The following LUZP2 variants were observed in gnomAD, a reference collection of about 807,000 sequenced individuals.
LUZP2 encodes the protein leucine zipper protein 2.
LUZP2 carries 52 observed loss-of-function variants against 51.6 expected under a neutral mutation model. That is an observed-to-expected ratio of 1.01 (90% CI 0.81 to 1.27). LUZP2 has a LOEUF of 1.27. LUZP2 is among the 50% of genes most tolerant of loss of function. The pLI is 0.00. For missense variants in LUZP2, 436 were observed against 395.4 expected (o/e 1.10, Z -0.87); for synonymous variants, 154 against 137.3 (o/e 1.12, Z -0.85).
chr11:24,998,925 A>C (rs1264011016), intron 9 of LUZP2, among the ~76,000 whole-genome samples: 1 of 152,180 alleles, frequency 6.6e-6, no homozygotes, highest in Non-Finnish European at 1.5e-5. Flanking sequence ...AAATAGTTTA[A>C]AATTTTAAAA....
intron 1 of LUZP2, among the ~76,000 whole-genome samples, chr11:24,718,487 C>T (rs1207339682): frequency 6.6e-6 from 1 of 152,130 alleles, no homozygotes; most frequent in African/African-American, 2.4e-5. Flanking sequence ...GGATGTCATC[C>T]ATGAATCTTA....
chr11:24,735,926 A>G (rs1353123852), intron 3 of LUZP2, among the ~76,000 whole-genome samples: 1 of 152,000 alleles, frequency 6.6e-6, no homozygotes, highest in Non-Finnish European at 1.5e-5. Context: ...AAGTCTTTGA[A>G]GCAGAAATCT....
rs749672583 is a variant in LUZP2, at chr11:24,922,837, C to CTTTTTTTTTTTTTT, written c.522+8316_522+8329dup. 6.1e-4 allele frequency among the ~76,000 whole-genome samples: 29 copies of CTTTTTTTTTTTTTT among 47,358 alleles called. 1 individual carries two copies. The highest frequency in any genetic ancestry group is 1.3e-3 in the South Asian group (2 of 1,542). 31.1% of individuals were successfully genotyped at this position (47,358 alleles called of 152,430 possible). On this transcript the variant is annotated intron_variant, in intron 7 of 11. Transcript: ENST00000336930. ...GGCACAGTTATATCTTTTTTTTTTTCTTTTTTTTTTTTTTTTTTTTTTTTT... is the reference window on the plus strand; with the variant it reads ...GGCACAGTTATATCTTTTTTTTTTTCTTTTTTTTTTTTTTTTTTTTTTTTTTTTTTTTTTTTTTT...
rs1408763899 is a variant in LUZP2 at position 24,729,199 on chromosome 11, G to A, written c.93G>A (p.Leu31=). 1 of 1,574,686 alleles carries A rather than the reference G, an allele frequency of 6.4e-7. No homozygotes were observed. Residue 31 remains leucine (L), a synonymous_variant, in exon 2 of 12, where the codon CTG becomes CTA. Transcript: ENST00000336930. ...ACTATGAAGAGCTAGAAAAGCAGCT[G>A]AAAGAAGTCTTTAAGGAGCGAAGCA... ...RQDYEELEKQ[L]KEVFKERSTI...
intron 1 of LUZP2, among the ~76,000 whole-genome samples, chr11:24,704,019 A>G (rs1210153569): frequency 6.6e-6 from 1 of 152,238 alleles, no homozygotes; most frequent in African/African-American, 2.4e-5. Context: ...ACCAACTGAC[A>G]TATTAGAACC....
Position 24,902,078 on chromosome 11 carries a change from T to C in LUZP2, c.397-3913T>C, listed in dbSNP as rs942228720. On this transcript the variant is annotated intron_variant, in intron 5 of 11. Coordinates refer to ENST00000336930, the MANE Select transcript of LUZP2 (RefSeq NM_001009909.4). ...GAAAAGTTATTTAGTCCAAAGGGTTTTATTGTCAATCAAATTTAGGAAAAT... is the reference window on the plus strand; with the variant it reads ...GAAAAGTTATTTAGTCCAAAGGGTTCTATTGTCAATCAAATTTAGGAAAAT... Among the ~76,000 whole-genome samples the C allele has an allele frequency of 2.0e-5, 3 of 152,204 alleles. No individual in the cohort carries two copies. In the East Asian group the frequency reaches 5.8e-4, roughly 29 times the overall value.
chr11:24,980,330 C>G (rs554690448), intron 8 of LUZP2, among the ~76,000 whole-genome samples: 2 of 151,716 alleles, frequency 1.3e-5, no homozygotes, highest in East Asian at 3.9e-4. Context: ...AAATCTACCT[C>G]CTAAATTTTC....
intron 1 of LUZP2, among the ~76,000 whole-genome samples, chr11:24,589,405 G>A (rs1314570440): frequency 6.6e-6 from 1 of 152,176 alleles, no homozygotes; most frequent in African/African-American, 2.4e-5. Flanking sequence ...CTCACTGAAA[G>A]AGGGTTGAAC....
At chr11:24,692,727 T>C (rs1857114798) in intron 1 of LUZP2, among the ~76,000 whole-genome samples, 1 of 152,116 alleles carries the variant, frequency 6.6e-6, no homozygotes, top group South Asian at 2.1e-4. Flanking sequence ...ATGAGTTTTT[T>C]CTTACACTAT....
chr11:24,674,852 ATGGGG>A (rs1333361409), intron 1 of LUZP2, among the ~76,000 whole-genome samples: 2 of 152,084 alleles, frequency 1.3e-5, no homozygotes, highest in East Asian at 3.9e-4. Flanking sequence ...TTCCCCACAG[ATGGGG>A]TTGGATAAGA....
At chr11:25,044,253 G>GTATATATATATATA (rs1446874239) in intron 9 of LUZP2, among the ~76,000 whole-genome samples, 2 of 31,804 alleles carry the variant, frequency 6.3e-5, no homozygotes, top group Non-Finnish European at 1.3e-4. Context: ...GTGTGTGTGT[G>GTATATATATATATA]TGTGTATATA....
intron 1 of LUZP2, among the ~76,000 whole-genome samples, chr11:24,541,795 C>G (rs2133719016): frequency 6.6e-6 from 1 of 152,028 alleles, no homozygotes; most frequent in East Asian, 1.9e-4. Context: ...ATGATAAGAA[C>G]CTAAGCTTTC....
chr11:24,761,269 A>G (rs1185934037), intron 4 of LUZP2, among the ~76,000 whole-genome samples: 2 of 152,106 alleles, frequency 1.3e-5, no homozygotes, highest in Non-Finnish European at 2.9e-5. Context: ...CATGGGCAGA[A>G]CAGGAGGAAG....
intron 10 of LUZP2, among the ~76,000 whole-genome samples, chr11:25,076,198 TCTTG>T (rs1859292973): frequency 4.0e-5 from 6 of 151,664 alleles, no homozygotes; most frequent in Admixed American, 1.3e-4. Context: ...TTGTTTTTGT[TCTTG>T]TTTTCGTTTT....
At chr11:24,521,098 C>A (rs1056049324) in intron 1 of LUZP2, among the ~76,000 whole-genome samples, 4 of 152,142 alleles carry the variant, frequency 2.6e-5, no homozygotes, top group Non-Finnish European at 4.4e-5. Context: ...CGCCTGTAAT[C>A]CCAGCACTTT....
intron 1 of LUZP2, among the ~76,000 whole-genome samples, chr11:24,632,281 A>T (rs1854924064): frequency 6.6e-6 from 1 of 151,846 alleles, no homozygotes; most frequent in African/African-American, 2.4e-5. Flanking sequence ...GGGACATAAA[A>T]CCTCGGCATT....
At chr11:25,049,957 A>C in intron 9 of LUZP2, 81 bp from the exon 10 acceptor site, 1 of 697,182 alleles carries the variant, frequency 1.4e-6, no homozygotes, top group Non-Finnish European at 2.3e-6. Context: ...TTACAATAAA[A>C]CGATTTGGAT....
At chr11:24,909,702 G>T (rs757895036) in intron 6 of LUZP2, among the ~76,000 whole-genome samples, 15 of 152,084 alleles carry the variant, frequency 9.9e-5, no homozygotes, top group Non-Finnish European at 1.3e-4. Context: ...ATCTTAGAGG[G>T]CCTCCCCAGC....
chr11:24,872,100 C>A (rs564934286), intron 5 of LUZP2, among the ~76,000 whole-genome samples: 1 of 151,972 alleles, frequency 6.6e-6, no homozygotes, highest in African/African-American at 2.4e-5. Context: ...GTATATTGTC[C>A]GGGTTCTGAT....
Sources: allele counts gnomAD v4.1 joint callset (sites outside exome capture counted in the v4.1 genomes callset), GRCh38; gene constraint gnomAD v4.1.1; transcripts MANE v1.5; gene names NCBI Gene and HGNC (gene_info 2026-07-23, HGNC 2026-07-21).